Variants in GATM observed in about 807,000 individuals in gnomAD.
The protein encoded by GATM is glycine amidinotransferase, also known as glycine amidinotransferase, mitochondrial.
Under a neutral mutation model 54.2 loss-of-function variants are expected in GATM, and 23 were observed. The observed-to-expected ratio is 0.42, with a 90% CI of 0.31 to 0.60. The LOEUF (loss-of-function observed/expected upper bound fraction) is 0.60, where lower values mean the gene tolerates loss of function less well. Among genes scored for constraint, GATM ranks in the 20% least tolerant of loss-of-function variants. The pLI is 0.14. For missense variants in GATM, 401 were observed against 544.9 expected (o/e 0.74, Z 2.63); for synonymous variants, 168 against 183.1 (o/e 0.92, Z 0.67).
rs532557528 is a variant in GATM at position 45,384,003 on chromosome 15, T to A, written c.-318-7184A>T. On this transcript the variant is annotated intron_variant, in intron 3 of 4. Coordinates refer to the GATM transcript ENST00000561148. ...TTTCAAAGATGAAGAAACCGAGCCC[T>A]ACAGGATTAAACAAATTGTCCTAAG... is the stretch of plus-strand genomic sequence containing the variant. 7.2e-5 allele frequency among the ~76,000 whole-genome samples: 11 copies of A among 152,312 alleles called. No individual in the cohort carries two copies. The East Asian group carries it at 2.1e-3, about 29-fold the overall frequency.
At position 45,376,857 on chromosome 15, in the gene GATM, C is replaced by A. The variant is rs12437840; in HGVS notation, c.70-38G>T. ...AAGAAAAGATTATTGTATTGCATTGCTCTATCAGTACTTACAGAGAGGAGG... is the reference window on the plus strand; with the variant it reads ...AAGAAAAGATTATTGTATTGCATTGATCTATCAGTACTTACAGAGAGGAGG... On this transcript the variant is annotated intron_variant, in intron 1 of 8. Transcript: ENST00000396659. 0.3 allele frequency: 459,121 copies of A among 1,545,680 alleles called. 78,684 individuals carry two copies. Among genetic ancestry groups the A allele is most frequent in the East Asian group, 0.84 (36,312 of 43,018 alleles).
At chr15:45,395,529 TAAA>T (rs894600518) in intron 3 of GATM, among the ~76,000 whole-genome samples, 2 of 152,090 alleles carry the variant, frequency 1.3e-5, no homozygotes, top group Non-Finnish European at 2.9e-5. Flanking sequence ...CCAAATCACT[TAAA>T]GATCTCACTG....
intron 4 of GATM, 139 bp from the exon 5 acceptor site, chr15:45,366,647 G>T: frequency 2.2e-6 from 2 of 914,288 alleles, no homozygotes; most frequent in African/African-American, 1.7e-5. Flanking sequence ...ACATGCCTGG[G>T]AAAGAAGCGG....
At chr15:45,396,415 A>G (rs929790742) in intron 3 of GATM, among the ~76,000 whole-genome samples, 8 of 152,236 alleles carry the variant, frequency 5.3e-5, no homozygotes, top group Non-Finnish European at 1.2e-4. Context: ...GTTACAATTT[A>G]GGGAGAGATT....
chr15:45,370,964 A>T (rs1889533117), intron 2 of GATM, among the ~76,000 whole-genome samples: 1 of 152,090 alleles, frequency 6.6e-6, no homozygotes, highest in African/African-American at 2.4e-5. Context: ...TAGTAGAGAC[A>T]GGGTTTCACC....
intron 1 of GATM, 124 bp downstream of exon 1, chr15:45,378,261 C>A: frequency 1.4e-6 from 1 of 708,270 alleles, no homozygotes; most frequent in South Asian, 1.8e-5. Flanking sequence ...CACTCTCGTG[C>A]AATTCCGGCT....
chr15:45,388,376 G>A (rs1889830792), intron 3 of GATM, among the ~76,000 whole-genome samples: 1 of 152,158 alleles, frequency 6.6e-6, no homozygotes, highest in African/African-American at 2.4e-5. Flanking sequence ...CCACAGCTAA[G>A]ATACATTTGC....
At chr15:45,385,813 T>C (rs1029588367) in intron 3 of GATM, among the ~76,000 whole-genome samples, 1 of 152,214 alleles carries the variant, frequency 6.6e-6, no homozygotes, top group Non-Finnish European at 1.5e-5. Flanking sequence ...TAAACAAACA[T>C]ACTTAATGAA....
At chr15:45,385,142 C>T (rs571310997) in intron 3 of GATM, among the ~76,000 whole-genome samples, 1 of 152,200 alleles carries the variant, frequency 6.6e-6, no homozygotes, top group Non-Finnish European at 1.5e-5. Flanking sequence ...CATTATGTTA[C>T]ATGATATTGG....
intron 5 of GATM, 53 bp from the exon 6 acceptor site, chr15:45,366,263 A>C: frequency 6.2e-7 from 1 of 1,610,870 alleles, no homozygotes; most frequent in South Asian, 1.1e-5. Flanking sequence ...CTATGTCTAG[A>C]AAACTAAAAA....
At chr15:45,383,334 C>T (rs533915956), upstream of GATM, among the ~76,000 whole-genome samples, 6 of 152,326 alleles carry the variant, frequency 3.9e-5, no homozygotes, top group African/African-American at 1.4e-4. Context: ...AAGACAACTG[C>T]AAAACACTAG....
rs911989417 is a variant in GATM at position 45,385,353 on chromosome 15, A to C, written c.-318-8534T>G. On this transcript the variant is annotated intron_variant, in intron 3 of 4. Coordinates refer to the GATM transcript ENST00000561148. ...TACACTTTTTGTCTAAAGCCTCAAA[A>C]AAATGCTATAAGAAACAGATTGAAT... is the stretch of plus-strand genomic sequence containing the variant. Among the ~76,000 whole-genome samples the C allele has an allele frequency of 2.0e-5, 3 of 152,204 alleles. No individual in the cohort carries two copies. In the East Asian group the frequency reaches 5.8e-4, roughly 29 times the overall value.
At chr15:45,369,667 G>T in intron 2 of GATM, 146 bp from the exon 3 acceptor site, 1 of 724,494 alleles carries the variant, frequency 1.4e-6, no homozygotes, top group Non-Finnish European at 2.4e-6. Context: ...CTAGCATTGA[G>T]CACATAAGCC....
chr15:45,361,930 G>A lies in GATM; in HGVS notation c.*179C>T, dbSNP rs1432139620. 1.6e-6 allele frequency: 1 copy of A among 626,938 alleles called. No homozygotes were observed. The highest frequency in any genetic ancestry group is 2.9e-6 in the Non-Finnish European group (1 of 350,634). 38.8% of individuals were successfully genotyped at this position (626,938 alleles called of 1,614,324 possible). On this transcript the variant is annotated 3_prime_UTR_variant, in exon 9 of 9. Transcript: ENST00000396659. ...TAGGAGTAGAGAGTAATACCTAGCA[G>A]AAGTTATTTTCTTTATGTCAAAGAA... is the stretch of plus-strand genomic sequence containing the variant.
At chr15:45,391,250 CAAA>C (rs146787362) in intron 3 of GATM, among the ~76,000 whole-genome samples, 1 of 117,336 alleles carries the variant, frequency 8.5e-6, no homozygotes, top group African/African-American at 2.7e-5. Context: ...ACTAAAAATA[CAAA>C]AAAAAAAAAA....
intron 6 of GATM, among the ~76,000 whole-genome samples, chr15:45,365,595 G>A (rs937131963): frequency 1.3e-5 from 2 of 152,186 alleles, no homozygotes; most frequent in Non-Finnish European, 2.9e-5. Flanking sequence ...CAGCTGCAGT[G>A]CAGTGGCTTC....
chr15:45,378,076 A>C, intron 1 of GATM: 2 of 326,136 alleles, frequency 6.1e-6, no homozygotes, highest in Non-Finnish European at 5.6e-6. Context: ...AAGGTCCGGT[A>C]GAGGGGGGCG....
intron 3 of GATM, chr15:45,396,823 T>C (rs1410089529): frequency 8.0e-6 from 1 of 124,744 alleles, no homozygotes; most frequent in African/African-American, 3.2e-5. Flanking sequence ...TGAGCTGAGA[T>C]CACGCCACTG....
intron 8 of GATM, among the ~76,000 whole-genome samples, chr15:45,363,006 C>T (rs969606600): frequency 3.3e-5 from 5 of 152,080 alleles, no homozygotes; most frequent in African/African-American, 4.8e-5. Flanking sequence ...TTCCTAGTCG[C>T]GCATGGTAGC....
Sources: allele counts gnomAD v4.1 joint callset (sites outside exome capture counted in the v4.1 genomes callset), GRCh38; gene constraint gnomAD v4.1.1; transcripts MANE v1.5; gene names NCBI Gene and HGNC (gene_info 2026-07-23, HGNC 2026-07-21).